MCTP1: variants seen among roughly 807,000 people sequenced by gnomAD.
The protein encoded by MCTP1 is multiple C2 and transmembrane domain containing 1, also known as multiple C2 and transmembrane domain-containing protein 1.
A neutral mutation model predicts 120.6 loss-of-function variants in MCTP1; 69 were observed. The ratio of observed to expected loss-of-function variants is 0.57; its 90% CI spans 0.47 to 0.70. MCTP1 has a LOEUF of 0.70. Ranked by LOEUF, MCTP1 falls within the 30% of genes least tolerant of loss-of-function variation. The probability of loss-of-function intolerance (pLI) is 0.00; values close to 1 mark genes in which losing one functional copy is unlikely to be tolerated. For missense variants in MCTP1, 1,203 were observed against 1,248.8 expected (o/e 0.96, Z 0.55); for synonymous variants, 529 against 493.1 (o/e 1.07, Z -0.96).
intron 19 of MCTP1, among the ~76,000 whole-genome samples, chr5:94,776,903 T>A (rs255373): frequency 0.51 from 77,089 of 151,996 alleles, 19,931 homozygotes; most frequent in East Asian, 0.64. Flanking sequence ...GGATCCTTTC[T>A]CATTTCCATT....
At chr5:95,122,330 T>C (rs1238858249) in intron 1 of MCTP1, among the ~76,000 whole-genome samples, 1 of 152,056 alleles carries the variant, frequency 6.6e-6, no homozygotes. Context: ...GAATTGAAAA[T>C]AGACAGAAGA....
intron 19 of MCTP1, among the ~76,000 whole-genome samples, chr5:94,751,179 G>A (rs1203750212): frequency 2.6e-5 from 4 of 152,118 alleles, no homozygotes; most frequent in South Asian, 4.1e-4. Flanking sequence ...AGTCAGTAGA[G>A]CGACCAAGGG....
chr5:95,211,033 C>A (rs1284272409), intron 1 of MCTP1, among the ~76,000 whole-genome samples: 23 of 151,934 alleles, frequency 1.5e-4, no homozygotes, highest in Non-Finnish European at 3.2e-4. Flanking sequence ...AGAGTTTCTG[C>A]CGAGAGATCC....
At chr5:95,165,414 G>T (rs1746210240) in intron 1 of MCTP1, among the ~76,000 whole-genome samples, 1 of 152,130 alleles carries the variant, frequency 6.6e-6, no homozygotes, top group South Asian at 2.1e-4. Flanking sequence ...AGCTGACCTA[G>T]TTGATGGTTT....
intron 1 of MCTP1, among the ~76,000 whole-genome samples, chr5:95,215,010 A>T (rs2152574168): frequency 6.6e-6 from 1 of 152,204 alleles, no homozygotes; most frequent in East Asian, 1.9e-4. Flanking sequence ...AACTTAAAGT[A>T]TAAAAAAAAA....
At chr5:94,875,713 C>T (rs766686597) in intron 12 of MCTP1, among the ~76,000 whole-genome samples, 2 of 150,290 alleles carry the variant, frequency 1.3e-5, no homozygotes, top group Non-Finnish European at 2.9e-5. Flanking sequence ...TTATTTGACG[C>T]TGAAAAACAA....
At chr5:95,233,010 A>G (rs1468324190) in intron 1 of MCTP1, among the ~76,000 whole-genome samples, 2 of 152,230 alleles carry the variant, frequency 1.3e-5, no homozygotes, top group Admixed American at 1.3e-4. Flanking sequence ...AACCACAATT[A>G]TAGCCAGAGA....
At chr5:94,813,298 A>T (rs1235614610) in intron 17 of MCTP1, among the ~76,000 whole-genome samples, 5 of 152,224 alleles carry the variant, frequency 3.3e-5, no homozygotes, top group African/African-American at 9.6e-5. Flanking sequence ...AGTGGCTGTA[A>T]TCAGGACAGA....
At chr5:95,136,149 C>T (rs368544296) in intron 1 of MCTP1, among the ~76,000 whole-genome samples, 108 of 152,288 alleles carry the variant, frequency 7.1e-4, no homozygotes, top group African/African-American at 2.5e-3. Flanking sequence ...TATTTCTAAG[C>T]CTTGGTATCC....
chr5:95,114,238 T>C (rs777078817), intron 1 of MCTP1, among the ~76,000 whole-genome samples: 1 of 152,256 alleles, frequency 6.6e-6, no homozygotes, highest in Non-Finnish European at 1.5e-5. Flanking sequence ...GGAGAATCTC[T>C]GCTTGAGAAA....
rs137927705 is a variant in MCTP1, at chr5:94,919,571, A to G, written c.1273-1598T>C. ...GAAAGACATTGCTTATGTGTTTACA[A>G]TAAGCCATGTGTGGAATCAGCTCTT... is the stretch of plus-strand genomic sequence containing the variant. On this transcript the variant is annotated intron_variant, in intron 7 of 22. Coordinates refer to ENST00000515393, the MANE Select transcript of MCTP1 (RefSeq NM_024717.7). Among the ~76,000 whole-genome samples the G allele has an allele frequency of 2.0e-5, 3 of 152,318 alleles. No individual in the cohort carries two copies. The East Asian group carries it at 5.8e-4, about 29-fold the overall frequency.
At chr5:94,920,797 CAAA>C (rs987482919) in intron 7 of MCTP1, among the ~76,000 whole-genome samples, 1 of 147,966 alleles carries the variant, frequency 6.8e-6, no homozygotes, top group African/African-American at 2.5e-5. Context: ...AATAAAAAGT[CAAA>C]AACTCTTCTC....
chr5:95,044,198 C>T (rs1280862120), intron 1 of MCTP1, among the ~76,000 whole-genome samples: 2 of 152,166 alleles, frequency 1.3e-5, no homozygotes, highest in East Asian at 3.8e-4. Context: ...GTTAAGTCCA[C>T]AGAAAGGGAC....
intron 17 of MCTP1, among the ~76,000 whole-genome samples, chr5:94,861,556 AC>A (rs1437313991): frequency 5.3e-5 from 8 of 151,896 alleles, no homozygotes; most frequent in Non-Finnish European, 1.0e-4. Context: ...ACAACATTTT[AC>A]TAACATAAAT....
At chr5:95,113,417 T>A (rs1382624649) in intron 1 of MCTP1, among the ~76,000 whole-genome samples, 1 of 151,890 alleles carries the variant, frequency 6.6e-6, no homozygotes, top group Non-Finnish European at 1.5e-5. Flanking sequence ...ACACCACCCC[T>A]CCCCCATCCC....
chr5:95,131,795 T>C (rs1229149648), intron 1 of MCTP1, among the ~76,000 whole-genome samples: 2 of 152,228 alleles, frequency 1.3e-5, no homozygotes, highest in Non-Finnish European at 2.9e-5. Context: ...TAAAGGCTGG[T>C]TGAATGAATG....
At chr5:94,780,300 A>G (rs1776294176) in intron 18 of MCTP1, among the ~76,000 whole-genome samples, 1 of 151,742 alleles carries the variant, frequency 6.6e-6, no homozygotes, top group South Asian at 2.1e-4. Context: ...GGAATATTCT[A>G]TTGGTGTACA....
intron 17 of MCTP1, among the ~76,000 whole-genome samples, chr5:94,818,175 C>T (rs1055816613): frequency 6.6e-6 from 1 of 152,162 alleles, no homozygotes; most frequent in Non-Finnish European, 1.5e-5. Context: ...AGAGGAAAAC[C>T]AAGCCAAGAT....
intron 1 of MCTP1, among the ~76,000 whole-genome samples, chr5:95,173,067 T>C (rs1026253832): frequency 5.3e-5 from 8 of 152,206 alleles, no homozygotes; most frequent in Non-Finnish European, 8.8e-5. Context: ...ATGTATTTAC[T>C]TGGAATTATT....
Sources: gnomAD v4.1 joint callset for allele counts (sites outside exome capture counted in the v4.1 genomes callset) on GRCh38, gnomAD v4.1.1 for gene constraint, MANE v1.5 for transcripts, NCBI Gene and HGNC (gene_info 2026-07-23, HGNC 2026-07-21) for gene names.